Variants in PCDHGA5 observed in about 807,000 individuals in gnomAD.
The protein encoded by PCDHGA5 is protocadherin gamma-A5.
PCDHGA5 carries 36 observed loss-of-function variants against 56.7 expected under a neutral mutation model. That is an observed-to-expected ratio of 0.64 (90% CI 0.49 to 0.84). The LOEUF (loss-of-function observed/expected upper bound fraction) is 0.84. PCDHGA5 is among the 40% of genes least tolerant of loss of function. The probability of loss-of-function intolerance (pLI) is 0.00; values close to 1 mark genes in which losing one functional copy is unlikely to be tolerated. For missense variants in PCDHGA5, 1,305 were observed against 1,201.5 expected (o/e 1.09, Z -1.27); for synonymous variants, 563 against 520.2 (o/e 1.08, Z -1.12).
intron 1 of PCDHGA5, chr5:141,413,635 A>C: frequency 6.2e-7 from 1 of 1,613,888 alleles, no homozygotes; most frequent in Non-Finnish European, 8.5e-7. Context: ...CGCTGCGGGA[A>C]TGCGTTTTCC....
intron 1 of PCDHGA5, chr5:141,427,761 G>A (rs1228905550): frequency 3.7e-6 from 5 of 1,366,246 alleles, no homozygotes; most frequent in Non-Finnish European, 4.1e-6. Flanking sequence ...CGTTACCACT[G>A]ACTTGGAGCT....
At chr5:141,441,818 TG>T in intron 1 of PCDHGA5, 1 of 359,922 alleles carries the variant, frequency 2.8e-6, no homozygotes, top group Non-Finnish European at 5.5e-6. Flanking sequence ...ACCCCAGCTC[TG>T]GAGCGCAATG....
intron 1 of PCDHGA5, chr5:141,412,841 G>A (rs1285924844): frequency 4.9e-6 from 1 of 206,050 alleles, no homozygotes; most frequent in Non-Finnish European, 9.6e-6. Flanking sequence ...AAAGATAGGA[G>A]TGGAGAAACC....
intron 1 of PCDHGA5, chr5:141,387,669 T>A: frequency 1.4e-6 from 1 of 693,784 alleles, no homozygotes; most frequent in East Asian, 2.8e-5. Context: ...GCGCTCCAGA[T>A]CTCCTCGCGC....
intron 1 of PCDHGA5, chr5:141,478,150 C>T (rs569939900): frequency 6.2e-7 from 1 of 1,614,086 alleles, no homozygotes; most frequent in African/African-American, 1.3e-5. Flanking sequence ...CCGAGTTCCC[C>T]TCTGGCTCTG....
Position 141,457,874 on chromosome 5 carries a change from G to A in PCDHGA5, c.2422-36933G>A, listed in dbSNP as rs1592531610. Among the ~76,000 whole-genome samples, 7 of 152,320 alleles carry A rather than the reference G, an allele frequency of 4.6e-5. No homozygotes were observed. In the South Asian group the frequency reaches 1.5e-3, roughly 32 times the overall value. On this transcript the variant is annotated intron_variant, in intron 1 of 3. Transcript: ENST00000518069. ...ACATTCTTCACTGACCACAGGTTAGGAACCCTGTGTGGGGACTGTGTAGAC... is the reference window on the plus strand; with the variant it reads ...ACATTCTTCACTGACCACAGGTTAGAAACCCTGTGTGGGGACTGTGTAGAC...
At chr5:141,465,323 G>A (rs757662972) in intron 1 of PCDHGA5, among the ~76,000 whole-genome samples, 1 of 152,138 alleles carries the variant, frequency 6.6e-6, no homozygotes, top group Non-Finnish European at 1.5e-5. Flanking sequence ...TGTCAATGCA[G>A]TATTTTTTAT....
chr5:141,380,795 A>C (rs1776743298), intron 1 of PCDHGA5, among the ~76,000 whole-genome samples: 1 of 152,246 alleles, frequency 6.6e-6, no homozygotes, highest in African/African-American at 2.4e-5. Context: ...GTAGAATAAG[A>C]AACAAATGTG....
chr5:141,365,653 A>G lies in PCDHGA5; in HGVS notation c.1323A>G (p.Lys441=). 4 of 1,613,620 alleles carry G rather than the reference A, an allele frequency of 2.5e-6. No individual in the cohort carries two copies. Among genetic ancestry groups the G allele is most frequent in the Non-Finnish European group, 3.4e-6 (4 of 1,179,838 alleles). ...PLSTESHIPL[K]VADVNDNPPN... Reference sequence around the variant, plus strand: ...CTACAGAAAGCCACATCCCCTTGAAAGTAGCAGACGTTAATGACAACCCAC... The same window carrying G: ...CTACAGAAAGCCACATCCCCTTGAAGGTAGCAGACGTTAATGACAACCCAC... The change falls in exon 1 of 4, where the codon AAA becomes AAG. Residue 441 remains lysine, a synonymous_variant. Transcript: ENST00000518069.
intron 2 of PCDHGA5, among the ~76,000 whole-genome samples, chr5:141,502,382 T>C (rs1668612742): frequency 1.3e-5 from 2 of 152,088 alleles, no homozygotes; most frequent in Non-Finnish European, 2.9e-5. Context: ...CCAGGCCAGT[T>C]GTACTTTAAA....
intron 1 of PCDHGA5, among the ~76,000 whole-genome samples, chr5:141,452,199 G>T (rs2098736057): frequency 1.3e-5 from 2 of 151,778 alleles, no homozygotes; most frequent in African/African-American, 4.8e-5. Flanking sequence ...AATTGTTTTA[G>T]ATGTTACCAA....
In PCDHGA5 at chr5:141,485,798, C is replaced by T. The variant is rs764109672; in HGVS notation, c.2422-9009C>T. The T allele has an allele frequency of 2.0e-5, 32 of 1,614,172 alleles. No individual in the cohort carries two copies. The highest frequency in any genetic ancestry group is 1.1e-4 in the East Asian group (5 of 44,876). ...GGATCGAGAGAAGCAATCGGACTAC[C>T]GCCTGGTGCTGACTGCTGTCGATGG... is the stretch of plus-strand genomic sequence containing the variant. On this transcript the variant is annotated intron_variant, in intron 1 of 3. Coordinates refer to ENST00000518069, the MANE Select transcript of PCDHGA5 (RefSeq NM_018918.3). The surrounding 1 kb of genome is among the most constrained non-coding windows in gnomAD (Gnocchi z 5.7).
At chr5:141,385,442 G>A (rs949035085) in intron 1 of PCDHGA5, 28 of 1,449,952 alleles carry the variant, frequency 1.9e-5, no homozygotes, top group South Asian at 1.5e-5. Flanking sequence ...AGGTAAAAAT[G>A]AGTTTACCAG....
chr5:141,370,525 G>A, intron 1 of PCDHGA5: 2 of 1,613,874 alleles, frequency 1.2e-6, no homozygotes, highest in South Asian at 1.1e-5. Context: ...CTGGACAGGG[G>A]CTCGCTGGTA....
chr5:141,387,741 G>A, intron 1 of PCDHGA5: 7 of 1,332,868 alleles, frequency 5.3e-6, no homozygotes, highest in Non-Finnish European at 6.1e-6. Context: ...CCTTTACACC[G>A]CTTCCTCCTC....
intron 1 of PCDHGA5, among the ~76,000 whole-genome samples, chr5:141,444,942 A>C (rs1272061494): frequency 6.6e-6 from 1 of 152,082 alleles, no homozygotes; most frequent in Non-Finnish European, 1.5e-5. Flanking sequence ...AGGAGGGAGG[A>C]GGATCATCTT....
At chr5:141,413,117 C>T (rs902301902) in intron 1 of PCDHGA5, 42 of 1,509,002 alleles carry the variant, frequency 2.8e-5, no homozygotes, top group Non-Finnish European at 3.6e-5. Flanking sequence ...ACAAAGGAAC[C>T]GGTTGAAACA....
At position 141,423,166 on chromosome 5, in the gene PCDHGA5, G is replaced by A. The variant is rs367805855; in HGVS notation, c.2421+56415G>A. ...GCTCAAGCAGAGCCTCGTGGTGGCC[G>A]TCCAGGACCACGGCCAGCCCCCTCT... On this transcript the variant is annotated intron_variant, in intron 1 of 3. Transcript: ENST00000518069. 2.4e-5 allele frequency: 38 copies of A among 1,613,476 alleles called. No individual in the cohort carries two copies. The South Asian group carries it at 2.5e-4, about 11-fold the overall frequency.
At chr5:141,499,019 AG>A (rs2099788634) in intron 2 of PCDHGA5, among the ~76,000 whole-genome samples, 3 of 150,840 alleles carry the variant, frequency 2.0e-5, no homozygotes, top group Non-Finnish European at 3.0e-5. Context: ...GAAGGAAGGA[AG>A]GAAGGAAGAA....
Sources: gnomAD v4.1 joint callset for allele counts (sites outside exome capture counted in the v4.1 genomes callset) on GRCh38, gnomAD v4.1.1 for gene constraint, Gnocchi (gnomAD v3.1) non-coding constraint, MANE v1.5 for transcripts, NCBI Gene and HGNC (gene_info 2026-07-23, HGNC 2026-07-21) for gene names.